Variants in GTF2A1 observed in about 807,000 individuals in gnomAD.
The protein encoded by GTF2A1 is general transcription factor IIA subunit 1, also known as transcription initiation factor IIA subunit 1.
GTF2A1 carries 12 observed loss-of-function variants against 54.1 expected under a neutral mutation model. The observed-to-expected ratio is 0.22, with a 90% confidence interval of 0.14 to 0.36. GTF2A1 has a LOEUF of 0.36. GTF2A1 is among the 10% of genes least tolerant of loss of function. The pLI is 1.00. For missense variants in GTF2A1, 335 were observed against 442.2 expected, an observed-to-expected ratio of 0.76 and a Z score of 2.17; for synonymous variants, 145 against 152.0, an observed-to-expected ratio of 0.95 and a Z score of 0.34.
At chr14:81,217,482 T>C (rs1893511852) in intron 1 of GTF2A1, among the ~76,000 whole-genome samples, 1 of 152,176 alleles carries the variant, frequency 6.6e-6, no homozygotes, top group Admixed American at 6.5e-5. Flanking sequence ...TATCAGAGGG[T>C]TATGGTTAAC....
Position 81,180,323 on chromosome 14 carries a change from CTGTG to C in GTF2A1, c.1027_1030del (p.His343GlufsTer15). On this transcript the variant is annotated frameshift_variant, in exon 9 of 9. Coordinates refer to ENST00000553612, the MANE Select transcript of GTF2A1 (RefSeq NM_015859.4). LOFTEE classifies it high-confidence loss of function. The stretch of plus-strand genomic sequence containing the variant: ...ATGAAATTTCCATTTGTTTTTACTT[CTGTG>C]TATCTAAACAAAAACAACATTTTAA... The C allele has an allele frequency of 7.8e-7, 1 of 1,282,186 alleles. No individual in the cohort carries two copies. Among genetic ancestry groups the C allele is most frequent in the Non-Finnish European group, 1.1e-6 (1 of 890,204 alleles). 79.4% of individuals were successfully genotyped at this position (1,282,186 alleles called of 1,614,324 possible). A position where few individuals can be genotyped will look rare whatever the true frequency, so the allele number is the denominator to read the frequency against.
At chr14:81,193,857 T>C (rs1892930212) in intron 6 of GTF2A1, among the ~76,000 whole-genome samples, 1 of 152,204 alleles carries the variant, frequency 6.6e-6, no homozygotes, top group South Asian at 2.1e-4. Context: ...TAAGACACAG[T>C]ATTTCCTTTA....
chr14:81,216,547 C>CA (rs1893492617), intron 1 of GTF2A1, 33 bp from the exon 2 acceptor site: 1 of 905,476 alleles, frequency 1.1e-6, no homozygotes, highest in Non-Finnish European at 1.8e-6. Context: ...TTGAAAAAGA[C>CA]AGTTTTTCAC....
chr14:81,216,354 C>A, intron 2 of GTF2A1, 59 bp downstream of exon 2: 1 of 765,774 alleles, frequency 1.3e-6, no homozygotes, highest in Non-Finnish European at 2.3e-6. Context: ...TCATCTCCGG[C>A]TAAAGAAAAT....
At chr14:81,202,537 T>C (rs1451198095) in intron 3 of GTF2A1, among the ~76,000 whole-genome samples, 4 of 152,156 alleles carry the variant, frequency 2.6e-5, no homozygotes, top group Admixed American at 6.5e-5. Flanking sequence ...GGGCTGTATG[T>C]GCTATGCTGA....
chr14:81,175,559 C>CT lies in GTF2A1; in HGVS notation c.*4663dup, dbSNP rs1295229504. 2 of 152,130 alleles carry CT rather than the reference C, an allele frequency of 1.3e-5. No homozygotes were observed. The highest frequency in any genetic ancestry group is 4.8e-5 in the African/African-American group (2 of 41,428). 9.4% of individuals were successfully genotyped at this position (152,130 alleles called of 1,614,324 possible). On this transcript the variant is annotated 3_prime_UTR_variant, in exon 9 of 9. Coordinates refer to ENST00000553612, the MANE Select transcript of GTF2A1 (RefSeq NM_015859.4). The stretch of plus-strand genomic sequence containing the variant: ...GGATAAAAAAATACAAAAAGGCGAG[C>CT]TTCTTAATGATTCAGCTGAATTAAC...
At chr14:81,192,115 CTT>C in intron 7 of GTF2A1, among the ~76,000 whole-genome samples, 1 of 152,174 alleles carries the variant, frequency 6.6e-6, no homozygotes, top group Non-Finnish European at 1.5e-5. Flanking sequence ...ACATTTGGTT[CTT>C]GAGTTTGCTC....
intron 2 of GTF2A1, chr14:81,210,078 T>C: frequency 3.0e-6 from 1 of 336,300 alleles, no homozygotes; most frequent in Non-Finnish European, 5.8e-6. Flanking sequence ...GCAACATTCC[T>C]GGCTCCTGCC....
intron 1 of GTF2A1, 95 bp downstream of exon 1, chr14:81,220,394 G>A: frequency 2.6e-6 from 2 of 778,218 alleles, no homozygotes; most frequent in Non-Finnish European, 3.8e-6. Flanking sequence ...CTGAAGAGTC[G>A]AGGCCGGGAG....
chr14:81,187,703 G>A (rs1892780724), intron 7 of GTF2A1, among the ~76,000 whole-genome samples: 1 of 152,122 alleles, frequency 6.6e-6, no homozygotes, highest in Admixed American at 6.5e-5. Flanking sequence ...TTCTTCTTAT[G>A]GCTAAATAAT....
chr14:81,195,802 G>A lies in GTF2A1; in HGVS notation c.612+306C>T, dbSNP rs375886828. ...CACTCCTAAATCCCCTGACCCTTGT[G>A]AATACCCCGAGACTCAGTAACTGCT... On this transcript the variant is annotated intron_variant, in intron 6 of 8. Coordinates refer to ENST00000553612, the MANE Select transcript of GTF2A1 (RefSeq NM_015859.4). 5.9e-5 allele frequency among the ~76,000 whole-genome samples: 9 copies of A among 152,010 alleles called. No homozygotes were observed. The South Asian group carries it at 1.0e-3, about 18-fold the overall frequency.
At position 81,176,462 on chromosome 14, in the gene GTF2A1, AGAG is replaced by A. The variant is rs1392876903; in HGVS notation, c.*3758_*3760del. 1.2e-4 allele frequency: 19 copies of A among 152,190 alleles called. No individual in the cohort carries two copies. The highest frequency in any genetic ancestry group is 1.2e-3 in the Admixed American group (19 of 15,284). The allele number at this position is 152,190 out of a possible 1,614,324, so 9.4% of individuals were successfully genotyped here. On this transcript the variant is annotated 3_prime_UTR_variant, in exon 9 of 9. Transcript: ENST00000553612. Reference sequence around the variant, plus strand: ...GACTGATTAAGGAACCTTGACTGAAAGAGTAGTTACTAACTCAATGTGTAGTAA... The same window carrying A: ...GACTGATTAAGGAACCTTGACTGAAATAGTTACTAACTCAATGTGTAGTAA...
rs577581201 is a variant in GTF2A1, at chr14:81,186,992, C to T, written c.934-1372G>A. Among the ~76,000 whole-genome samples the T allele has an allele frequency of 2.6e-5, 4 of 151,948 alleles. No individual in the cohort carries two copies. In the East Asian group the frequency reaches 7.8e-4, roughly 29 times the overall value. ...AAAAATTATTATGTCTAGGCCTATA[C>T]CTACTTACACAGGTGTGTATGTATA... On this transcript the variant is annotated intron_variant, in intron 7 of 8. Transcript: ENST00000553612.
At chr14:81,215,869 T>A (rs1026214463) in intron 2 of GTF2A1, among the ~76,000 whole-genome samples, 1 of 152,136 alleles carries the variant, frequency 6.6e-6, no homozygotes, top group Non-Finnish European at 1.5e-5. Context: ...AAACCATCTC[T>A]ACCAAAAATA....
At chr14:81,182,561 C>T (rs1892661554) in intron 8 of GTF2A1, among the ~76,000 whole-genome samples, 1 of 152,240 alleles carries the variant, frequency 6.6e-6, no homozygotes, top group Non-Finnish European at 1.5e-5. Flanking sequence ...TTAATACCAT[C>T]ACCATAGGCC....
intron 7 of GTF2A1, among the ~76,000 whole-genome samples, chr14:81,189,363 C>T (rs1227922662): frequency 1.3e-5 from 2 of 152,132 alleles, no homozygotes; most frequent in African/African-American, 2.4e-5. Flanking sequence ...GAACATATCT[C>T]ACTCAGTAGT....
intron 2 of GTF2A1, among the ~76,000 whole-genome samples, chr14:81,206,843 T>G (rs555769902): frequency 1.1e-4 from 17 of 151,560 alleles, no homozygotes; most frequent in Admixed American, 2.0e-4. Context: ...TCCCTCCCTC[T>G]CTCCACTAAG....
intron 1 of GTF2A1, among the ~76,000 whole-genome samples, chr14:81,220,111 C>A (rs1030744587): frequency 9.2e-5 from 14 of 151,640 alleles, no homozygotes; most frequent in African/African-American, 1.5e-4. Flanking sequence ...GGGGAGCCCT[C>A]GTCAAGCCAG....
rs1179273617 is a variant in GTF2A1 at position 81,202,967 on chromosome 14, C to CAT, written c.337+931_337+932dup. 9 of 345,084 alleles carry CAT rather than the reference C, an allele frequency of 2.6e-5. No individual in the cohort carries two copies. The East Asian group carries it at 5.7e-4, about 22-fold the overall frequency. The allele number at this position is 345,084 out of a possible 1,614,324, so 21.4% of individuals were successfully genotyped here. ...GTGTGTCATTACCAATTTTAAGACA[C>CAT]ATATATATACTGTCAAATGAGGCAA... On this transcript the variant is annotated intron_variant, in intron 3 of 8. Coordinates refer to ENST00000553612, the MANE Select transcript of GTF2A1 (RefSeq NM_015859.4).
Sources: allele counts gnomAD v4.1 joint callset (sites outside exome capture counted in the v4.1 genomes callset), GRCh38; gene constraint gnomAD v4.1.1; transcripts MANE v1.5; gene names NCBI Gene and HGNC (gene_info 2026-07-23, HGNC 2026-07-21).